Variants in WWOX observed in about 807,000 individuals in gnomAD.
WWOX encodes the protein WW domain-containing oxidoreductase.
WWOX carries 69 observed loss-of-function variants against 46.2 expected under a neutral mutation model. That is an observed-to-expected ratio of 1.49 (90% CI 1.23 to 1.82). WWOX has a LOEUF of 1.82. Among genes scored for constraint, WWOX ranks in the 40% most tolerant of loss-of-function variants. The pLI is 0.00. For synonymous variants in WWOX, 359 were observed against 202.6 expected (o/e 1.77, Z -6.56); for missense variants, 919 against 542.6 (o/e 1.69, Z -6.89).
intron 5 of WWOX, among the ~76,000 whole-genome samples, chr16:78,375,421 A>G (rs1679465350): frequency 6.6e-6 from 1 of 152,170 alleles, no homozygotes; most frequent in Non-Finnish European, 1.5e-5. Context: ...CCCATATTTG[A>G]TGGTATGTTA....
intron 8 of WWOX, among the ~76,000 whole-genome samples, chr16:78,835,595 A>G (rs897255678): frequency 5.9e-5 from 9 of 152,176 alleles, no homozygotes; most frequent in African/African-American, 1.4e-4. Flanking sequence ...TAGCAGTCCT[A>G]TTGGCTAGAT....
intron 5 of WWOX, among the ~76,000 whole-genome samples, chr16:78,382,911 T>C (rs183450630): frequency 6.6e-6 from 1 of 152,102 alleles, no homozygotes; most frequent in East Asian, 1.9e-4. Context: ...GCAGGTTTAA[T>C]TGGCTCATTG....
At chr16:78,862,956 C>T (rs545151750) in intron 8 of WWOX, among the ~76,000 whole-genome samples, 1 of 143,732 alleles carries the variant, frequency 7.0e-6, no homozygotes, top group Admixed American at 7.2e-5. Flanking sequence ...GTGGTTATGC[C>T]AAGTTTTTTT....
intron 8 of WWOX, chr16:79,004,872 T>C (rs2047161482): frequency 6.6e-6 from 1 of 152,228 alleles, no homozygotes; most frequent in Non-Finnish European, 1.5e-5. Context: ...TGAGATTTTA[T>C]TATTTGTAAT....
chr16:78,299,365 C>G (rs545722542), intron 5 of WWOX, among the ~76,000 whole-genome samples: 1 of 152,052 alleles, frequency 6.6e-6, no homozygotes, highest in African/African-American at 2.4e-5. Flanking sequence ...GTAGAGTGAA[C>G]CCTGATTACC....
chr16:78,722,254 G>C (rs1344461840), intron 8 of WWOX, among the ~76,000 whole-genome samples: 4 of 152,150 alleles, frequency 2.6e-5, no homozygotes, highest in Non-Finnish European at 4.4e-5. Flanking sequence ...AGACGGACTT[G>C]GGGTTCAGTC....
At chr16:79,052,661 A>G (rs1415619612) in intron 8 of WWOX, among the ~76,000 whole-genome samples, 1 of 152,244 alleles carries the variant, frequency 6.6e-6, no homozygotes. Context: ...GAAACCGGAC[A>G]CAGCAGTAGA....
chr16:78,691,805 A>G (rs1597451877), intron 8 of WWOX, among the ~76,000 whole-genome samples: 1 of 152,280 alleles, frequency 6.6e-6, no homozygotes, highest in East Asian at 1.9e-4. Flanking sequence ...GGTGAGTGAT[A>G]TGGTTTGGAT....
chr16:79,076,674 C>A, intron 8 of WWOX, among the ~76,000 whole-genome samples: 1 of 152,238 alleles, frequency 6.6e-6, no homozygotes, highest in East Asian at 1.9e-4. Context: ...ACTTGAGAGT[C>A]AGACGGATCG....
intron 4 of WWOX, among the ~76,000 whole-genome samples, chr16:78,155,773 A>G (rs745938207): frequency 6.6e-6 from 1 of 152,232 alleles, no homozygotes; most frequent in Non-Finnish European, 1.5e-5. Context: ...TGTGCAGAAT[A>G]GGCTTAGCAC....
At chr16:78,165,742 A>G (rs924374024) in intron 5 of WWOX, among the ~76,000 whole-genome samples, 2 of 152,220 alleles carry the variant, frequency 1.3e-5, no homozygotes, top group Admixed American at 1.3e-4. Flanking sequence ...CTCTGGACTG[A>G]AAAGTAGTGA....
At chr16:78,731,021 A>G (rs1355118651) in intron 8 of WWOX, among the ~76,000 whole-genome samples, 1 of 152,192 alleles carries the variant, frequency 6.6e-6, no homozygotes, top group Non-Finnish European at 1.5e-5. Flanking sequence ...TATTGATGTT[A>G]CCGTACTATC....
At chr16:78,217,621 CAGA>C (rs1266089285) in intron 5 of WWOX, among the ~76,000 whole-genome samples, 1 of 152,092 alleles carries the variant, frequency 6.6e-6, no homozygotes, top group Non-Finnish European at 1.5e-5. Context: ...ACAGAGGGCT[CAGA>C]AGAGAAATCT....
At chr16:78,367,558 C>T (rs1009326933) in intron 5 of WWOX, among the ~76,000 whole-genome samples, 1 of 152,118 alleles carries the variant, frequency 6.6e-6, no homozygotes, top group African/African-American at 2.4e-5. Flanking sequence ...GTGTAAAAGG[C>T]TTCGAGTTCA....
At chr16:78,248,493 T>C (rs1034544989) in intron 5 of WWOX, among the ~76,000 whole-genome samples, 1 of 152,126 alleles carries the variant, frequency 6.6e-6, no homozygotes, top group Non-Finnish European at 1.5e-5. Context: ...CCCAGCACTT[T>C]GGGAGGCCGA....
At position 78,929,623 on chromosome 16, in the gene WWOX, C is replaced by A. The variant is rs138434781; in HGVS notation, c.1057-281985C>A. On this transcript the variant is annotated intron_variant, in intron 8 of 8. Transcript: ENST00000566780. ...GGAGGGCGGGATAAGATTGCCAGGC[C>A]CTGCTTCTATTTCTGGGGTTGGGAT... 5.5e-4 allele frequency among the ~76,000 whole-genome samples: 83 copies of A among 152,186 alleles called. No homozygotes were observed. In the East Asian group the frequency reaches 0.012, roughly 22 times the overall value.
intron 8 of WWOX, among the ~76,000 whole-genome samples, chr16:79,010,717 T>G (rs2047286431): frequency 6.8e-6 from 1 of 147,784 alleles, no homozygotes; most frequent in African/African-American, 2.5e-5. Context: ...GGTTTGGCCA[T>G]GGGTACCAAG....
intron 8 of WWOX, among the ~76,000 whole-genome samples, chr16:78,449,819 G>A (rs1379101783): frequency 6.6e-6 from 1 of 152,024 alleles, no homozygotes; most frequent in Non-Finnish European, 1.5e-5. Context: ...GTTAATCGAT[G>A]GCCCAAATTG....
At chr16:79,082,621 T>C (rs2048781819) in intron 8 of WWOX, among the ~76,000 whole-genome samples, 1 of 152,180 alleles carries the variant, frequency 6.6e-6, no homozygotes, top group Non-Finnish European at 1.5e-5. Context: ...GTGTTTTGAT[T>C]TCATCCTATA....
Sources: allele counts gnomAD v4.1 joint callset (sites outside exome capture counted in the v4.1 genomes callset), GRCh38; gene constraint gnomAD v4.1.1; transcripts MANE v1.5; gene names NCBI Gene and HGNC (gene_info 2026-07-23, HGNC 2026-07-21).